Variants in GABRB1 observed in about 807,000 individuals in gnomAD.
The protein encoded by GABRB1 is gamma-aminobutyric acid receptor subunit beta-1.
Under a neutral mutation model 51.6 loss-of-function variants are expected in GABRB1, and 17 were observed. That is an observed-to-expected ratio of 0.33 (90% confidence interval 0.23 to 0.49). The LOEUF (loss-of-function observed/expected upper bound fraction) is 0.49. Ranked by LOEUF, GABRB1 falls within the 20% of genes least tolerant of loss-of-function variation. The pLI is 0.99. For synonymous variants in GABRB1, 247 were observed against 218.9 expected (o/e 1.13, Z -1.14); for missense variants, 410 against 600.6 (o/e 0.68, Z 3.32).
At chr4:47,210,575 C>G (rs564238413) in intron 4 of GABRB1, among the ~76,000 whole-genome samples, 157 of 152,174 alleles carry the variant, frequency 1.0e-3, no homozygotes, top group Non-Finnish European at 2.0e-3. Context: ...CTATTAGAGA[C>G]TATTAATTTT....
intron 5 of GABRB1, among the ~76,000 whole-genome samples, chr4:47,369,380 G>C (rs1189006584): frequency 6.6e-6 from 1 of 151,558 alleles, no homozygotes; most frequent in Non-Finnish European, 1.5e-5. Flanking sequence ...TATTATTCTT[G>C]TGTCTAATCT....
At chr4:47,184,200 A>G (rs11728647) in intron 4 of GABRB1, among the ~76,000 whole-genome samples, 106,156 of 151,682 alleles carry the variant, frequency 0.7, 37,917 homozygotes, top group Middle Eastern at 0.87. Flanking sequence ...TTCTGTCTAT[A>G]ACTCTGCCAG....
intron 3 of GABRB1, among the ~76,000 whole-genome samples, chr4:47,075,225 A>G (rs1727496764): frequency 6.6e-6 from 1 of 152,150 alleles, no homozygotes; most frequent in African/African-American, 2.4e-5. Context: ...TCTCTGACCC[A>G]ACAAAAGTAG....
In GABRB1 at chr4:47,137,072, G is replaced by A. The variant is rs570870133; in HGVS notation, c.241-24177G>A. Among the ~76,000 whole-genome samples, 95 of 152,198 alleles carry A rather than the reference G, an allele frequency of 6.2e-4. 2 individuals are homozygous for A. In the South Asian group the frequency reaches 0.018, roughly 29 times the overall value. ...GCGCCACAGAAGGGTAACCTACCCTGAACATTGATTTATAAACAAGTCCTG... is the reference window on the plus strand; with the variant it reads ...GCGCCACAGAAGGGTAACCTACCCTAAACATTGATTTATAAACAAGTCCTG... On this transcript the variant is annotated intron_variant, in intron 3 of 8. Coordinates refer to ENST00000295454, the MANE Select transcript of GABRB1 (RefSeq NM_000812.4).
intron 5 of GABRB1, among the ~76,000 whole-genome samples, chr4:47,343,177 C>T (rs1266541343): frequency 1.3e-5 from 2 of 151,674 alleles, no homozygotes; most frequent in Non-Finnish European, 2.9e-5. Context: ...CTGGGTCAAG[C>T]AGAAAACAGA....
At chr4:47,108,452 A>G (rs1286103717) in intron 3 of GABRB1, among the ~76,000 whole-genome samples, 1 of 152,074 alleles carries the variant, frequency 6.6e-6, no homozygotes, top group East Asian at 1.9e-4. Flanking sequence ...TGTTTATAGC[A>G]CATTGTGGAT....
chr4:47,072,881 A>T (rs1303852182), intron 3 of GABRB1, among the ~76,000 whole-genome samples: 1 of 152,162 alleles, frequency 6.6e-6, no homozygotes, highest in East Asian at 1.9e-4. Context: ...GCTGCTATTT[A>T]ATCAGCATTG....
chr4:47,047,162 T>A (rs1426508579), intron 3 of GABRB1, among the ~76,000 whole-genome samples: 4 of 152,048 alleles, frequency 2.6e-5, no homozygotes, highest in East Asian at 3.9e-4. Context: ...TTAAAAAAAA[T>A]TAAACAAAAC....
intron 4 of GABRB1, among the ~76,000 whole-genome samples, chr4:47,167,122 T>A (rs1306763021): frequency 6.6e-6 from 1 of 152,186 alleles, no homozygotes; most frequent in African/African-American, 2.4e-5. Flanking sequence ...TTTGTAGAAA[T>A]GAAATTAAAA....
intron 4 of GABRB1, among the ~76,000 whole-genome samples, chr4:47,280,503 T>C (rs1032742428): frequency 1.7e-4 from 25 of 150,848 alleles, no homozygotes; most frequent in African/African-American, 6.0e-4. Flanking sequence ...TATATATTCA[T>C]GTTGTTACTT....
chr4:47,073,089 T>G (rs375706784), intron 3 of GABRB1, among the ~76,000 whole-genome samples: 4 of 152,192 alleles, frequency 2.6e-5, no homozygotes, highest in African/African-American at 9.6e-5. Context: ...ACAATTGGAT[T>G]AAATACAGAC....
intron 4 of GABRB1, among the ~76,000 whole-genome samples, chr4:47,209,144 T>G (rs1720252705): frequency 6.6e-6 from 1 of 152,152 alleles, no homozygotes; most frequent in South Asian, 2.1e-4. Flanking sequence ...CTAATTTCTC[T>G]GTGGATGTGA....
chr4:47,378,371 C>A (rs191258389), intron 5 of GABRB1, among the ~76,000 whole-genome samples: 219 of 152,298 alleles, frequency 1.4e-3, no homozygotes, highest in African/African-American at 4.9e-3. Flanking sequence ...CAAGCCCACA[C>A]CCACCCGGAA....
At chr4:47,008,217 A>C (rs1724468964) in intron 1 of GABRB1, among the ~76,000 whole-genome samples, 1 of 152,110 alleles carries the variant, frequency 6.6e-6, no homozygotes, top group African/African-American at 2.4e-5. Flanking sequence ...GAATACAGGA[A>C]GTTGGAGGGC....
At chr4:47,410,947 A>G (rs1728742742) in intron 8 of GABRB1, among the ~76,000 whole-genome samples, 1 of 152,206 alleles carries the variant, frequency 6.6e-6, no homozygotes, top group African/African-American at 2.4e-5. Context: ...GTCTCCACAT[A>G]TTCTGGATGA....
At chr4:47,204,669 C>G (rs2109802041) in intron 4 of GABRB1, among the ~76,000 whole-genome samples, 1 of 152,164 alleles carries the variant, frequency 6.6e-6, no homozygotes, top group South Asian at 2.1e-4. Flanking sequence ...GAATGGGTAT[C>G]ATGTGATCTG....
At chr4:47,167,652 G>C (rs1718248067) in intron 4 of GABRB1, among the ~76,000 whole-genome samples, 1 of 152,172 alleles carries the variant, frequency 6.6e-6, no homozygotes, top group Non-Finnish European at 1.5e-5. Flanking sequence ...ACAGTTTGGA[G>C]AGCAGAGATA....
chr4:47,312,551 C>T (rs1724731282), intron 4 of GABRB1, among the ~76,000 whole-genome samples: 1 of 152,208 alleles, frequency 6.6e-6, no homozygotes, highest in Non-Finnish European at 1.5e-5. Context: ...ATTCTTCAAA[C>T]ACTCTATTGA....
chr4:47,164,684 A>G (rs991815770), intron 4 of GABRB1, among the ~76,000 whole-genome samples: 1 of 152,148 alleles, frequency 6.6e-6, no homozygotes, highest in Non-Finnish European at 1.5e-5. Context: ...GGTAAGCTCA[A>G]TATGAGATAC....
Sources: gnomAD v4.1 joint callset for allele counts (sites outside exome capture counted in the v4.1 genomes callset) on GRCh38, gnomAD v4.1.1 for gene constraint, MANE v1.5 for transcripts, NCBI Gene and HGNC (gene_info 2026-07-23, HGNC 2026-07-21) for gene names.